The following GFRA1 variants were observed in gnomAD, a reference collection of about 807,000 sequenced individuals.
GFRA1 encodes the protein GDNF family receptor alpha 1.
A neutral mutation model predicts 51.6 loss-of-function variants in GFRA1; 16 were observed. The ratio of observed to expected loss-of-function variants is 0.31; its 90% CI spans 0.21 to 0.47. GFRA1 has a LOEUF of 0.47. Ranked by LOEUF, GFRA1 falls within the 20% of genes least tolerant of loss-of-function variation. The pLI is 1.00. For missense variants in GFRA1, 530 were observed against 594.3 expected, an observed-to-expected ratio of 0.89 and a Z score of 1.13; for synonymous variants, 270 against 241.3, an observed-to-expected ratio of 1.12 and a Z score of -1.10.
chr10:116,188,417 T>C (rs1962931610), intron 5 of GFRA1, among the ~76,000 whole-genome samples: 1 of 152,114 alleles, frequency 6.6e-6, no homozygotes, highest in African/African-American at 2.4e-5. Context: ...ACAGTCCAAT[T>C]CTTGGAGCTA....
intron 4 of GFRA1, among the ~76,000 whole-genome samples, chr10:116,254,572 C>T (rs1411826965): frequency 6.6e-6 from 1 of 151,984 alleles, no homozygotes; most frequent in African/African-American, 2.4e-5. Flanking sequence ...GGGAGGCCAG[C>T]AGACATTTCA....
Position 116,064,422 on chromosome 10 carries a change from TA to T in GFRA1, c.1373del (p.Leu458HisfsTer4), listed in dbSNP as rs1289818721. The T allele has an allele frequency of 6.2e-7, 1 of 1,612,738 alleles. No homozygotes were observed. The highest frequency in any genetic ancestry group is 8.5e-7 in the Non-Finnish European group (1 of 1,179,760). ...LVLVVTALST[L>X]LSLTETS ...GCTATGATGTTTCTGTTAAAGATAA[TA>T]GGGTGGACAGAGCGGTTACCACCAG... On this transcript the variant is annotated frameshift_variant, in exon 11 of 11. Coordinates refer to ENST00000355422, the MANE Select transcript of GFRA1 (RefSeq NM_005264.8). LOFTEE classifies it high-confidence loss of function.
chr10:116,222,157 T>C (rs1449115191), intron 4 of GFRA1, among the ~76,000 whole-genome samples: 2 of 152,094 alleles, frequency 1.3e-5, no homozygotes, highest in African/African-American at 4.8e-5. Context: ...GCAATGCACA[T>C]ATGGGTGCAG....
intron 5 of GFRA1, among the ~76,000 whole-genome samples, chr10:116,154,877 T>A (rs566801941): frequency 2.0e-5 from 3 of 152,164 alleles, no homozygotes; most frequent in Non-Finnish European, 4.4e-5. Context: ...TGTGCCTCTG[T>A]GCTCTTGGCC....
chr10:116,197,523 C>T (rs73372450), intron 5 of GFRA1, among the ~76,000 whole-genome samples: 3,577 of 152,174 alleles, frequency 0.024, 151 homozygotes, highest in African/African-American at 0.082. Flanking sequence ...TGTGTGTGCA[C>T]GTGCATCTGC....
chr10:116,203,306 C>T (rs1385555647), intron 5 of GFRA1, among the ~76,000 whole-genome samples: 1 of 152,184 alleles, frequency 6.6e-6, no homozygotes, highest in Non-Finnish European at 1.5e-5. Flanking sequence ...AGCCAGACTC[C>T]AAAAACAATG....
At chr10:116,222,568 C>T (rs746769061) in intron 4 of GFRA1, among the ~76,000 whole-genome samples, 11 of 152,298 alleles carry the variant, frequency 7.2e-5, no homozygotes, top group Non-Finnish European at 8.8e-5. Context: ...TCAACATCTC[C>T]GTTTGATTGA....
At chr10:116,273,336 T>G, upstream of GFRA1, 1 of 151,132 alleles carries the variant, frequency 6.6e-6, no homozygotes, top group East Asian at 2.0e-4. Flanking sequence ...CTTCGAGAGC[T>G]CGAAGGGCCG....
intron 9 of GFRA1, among the ~76,000 whole-genome samples, chr10:116,074,757 G>C (rs1243244562): frequency 6.6e-6 from 1 of 152,192 alleles, no homozygotes; most frequent in African/African-American, 2.4e-5. Flanking sequence ...GGATGCTCTT[G>C]GTTGAATTTT....
chr10:116,166,823 G>A (rs1474555614), intron 5 of GFRA1, among the ~76,000 whole-genome samples: 3 of 109,188 alleles, frequency 2.7e-5, no homozygotes, highest in African/African-American at 3.9e-5. Context: ...TTGTTGAGAC[G>A]GAGTCTCCCT....
intron 5 of GFRA1, among the ~76,000 whole-genome samples, chr10:116,168,291 C>A (rs769315143): frequency 5.9e-5 from 9 of 152,016 alleles, no homozygotes; most frequent in Non-Finnish European, 5.9e-5. Context: ...GTCTGCCTTC[C>A]TGGGGTTTGC....
intron 5 of GFRA1, among the ~76,000 whole-genome samples, chr10:116,169,562 A>T (rs1487968440): frequency 1.3e-5 from 2 of 152,212 alleles, no homozygotes; most frequent in African/African-American, 4.8e-5. Flanking sequence ...GAAGTGTCCA[A>T]ACATCAAGAG....
At chr10:116,145,136 G>A (rs4751953) in intron 5 of GFRA1, among the ~76,000 whole-genome samples, 118,411 of 120,404 alleles carry the variant, frequency 0.98, 58,215 homozygotes, top group East Asian at 1. Context: ...GCGACAGAAC[G>A]AGACTCTGTC....
intron 4 of GFRA1, among the ~76,000 whole-genome samples, chr10:116,221,771 C>T (rs1430943719): frequency 6.6e-6 from 1 of 152,104 alleles, no homozygotes; most frequent in African/African-American, 2.4e-5. Context: ...TTTCTAGATC[C>T]CCAGCCACAT....
chr10:116,224,168 A>G (rs1343845048), intron 4 of GFRA1, among the ~76,000 whole-genome samples: 4 of 152,326 alleles, frequency 2.6e-5, no homozygotes, highest in Non-Finnish European at 5.9e-5. Flanking sequence ...ACAAAGAGAG[A>G]TGGCTATACT....
At chr10:116,192,053 A>G (rs1018707341) in intron 5 of GFRA1, among the ~76,000 whole-genome samples, 2 of 152,188 alleles carry the variant, frequency 1.3e-5, no homozygotes, top group African/African-American at 4.8e-5. Context: ...TAAAAAGGTT[A>G]GGAGTTGCCT....
chr10:116,210,408 C>T (rs1361880358), intron 5 of GFRA1, among the ~76,000 whole-genome samples: 1 of 152,184 alleles, frequency 6.6e-6, no homozygotes, highest in African/African-American at 2.4e-5. Flanking sequence ...ACTGACCCCC[C>T]AGTTTGTGAA....
intron 5 of GFRA1, among the ~76,000 whole-genome samples, chr10:116,156,162 T>G (rs1959194550): frequency 6.6e-6 from 1 of 152,188 alleles, no homozygotes; most frequent in South Asian, 2.1e-4. Context: ...TGAACTCTTC[T>G]TGGTTAGAGA....
Position 116,064,719 on chromosome 10 carries a change from T to C in GFRA1, c.1252-175A>G, listed in dbSNP as rs113181951. Among the ~76,000 whole-genome samples, 191 of 152,224 alleles carry C rather than the reference T, an allele frequency of 1.3e-3. 1 individual carries two copies. The highest frequency in any genetic ancestry group is 4.2e-3 in the African/African-American group (176 of 41,558). ...CTTGTAGTTTTATGGGAAGAAACCA[T>C]GAACCTGGGTTAGAACCAGATACTT... On this transcript the variant is annotated intron_variant, in intron 10 of 10. Coordinates refer to ENST00000355422, the MANE Select transcript of GFRA1 (RefSeq NM_005264.8).
Sources: gnomAD v4.1 joint callset for allele counts (sites outside exome capture counted in the v4.1 genomes callset) on GRCh38, gnomAD v4.1.1 for gene constraint, MANE v1.5 for transcripts, NCBI Gene and HGNC (gene_info 2026-07-23, HGNC 2026-07-21) for gene names.